Variants in MARCHF3 observed in about 807,000 individuals in gnomAD.
MARCHF3 encodes membrane associated ring-CH-type finger 3.
MARCHF3 carries 13 observed loss-of-function variants against 24.2 expected under a neutral mutation model. The ratio of observed to expected loss-of-function variants is 0.54; its 90% CI spans 0.35 to 0.85. MARCHF3 has a LOEUF of 0.85. MARCHF3 is among the 40% of genes least tolerant of loss of function. The pLI is 0.01. For missense variants in MARCHF3, 276 were observed against 325.0 expected (o/e 0.85, Z 1.16); for synonymous variants, 144 against 137.3 (o/e 1.05, Z -0.34).
chr5:126,929,781 T>G (rs1041170052), intron 1 of MARCHF3, among the ~76,000 whole-genome samples: 1 of 152,182 alleles, frequency 6.6e-6, no homozygotes, highest in Admixed American at 6.5e-5. Flanking sequence ...AGGGACCTGG[T>G]GGGAGATAAT....
chr5:126,918,185 A>T lies in MARCHF3; in HGVS notation c.-14T>A, dbSNP rs1389429078. ...GCTGGTTGTCATGGTAACAGACAGC[A>T]ATTACTCTGCTAATGGCTTCCACAT... On this transcript the variant is annotated 5_prime_UTR_variant, in exon 2 of 5. Transcript: ENST00000308660. The T allele has an allele frequency of 1.2e-6, 2 of 1,609,218 alleles. No homozygotes were observed. The highest frequency in any genetic ancestry group is 1.3e-5 in the African/African-American group (1 of 74,968).
chr5:126,915,116 C>T lies in MARCHF3; in HGVS notation c.207G>A (p.Pro69=), dbSNP rs139927140. ...LATQSPFNDR[P]MCRICHEGSS... ...TGCCCTCGTGGCAGATCCTGCACATCGGCCGGTCATTGAAGGGGCTGCAAG... is the reference window on the plus strand; with the variant it reads ...TGCCCTCGTGGCAGATCCTGCACATTGGCCGGTCATTGAAGGGGCTGCAAG... The change falls in exon 3 of 5, where the codon CCG becomes CCA. Residue 69 remains proline (P), a synonymous_variant. Transcript: ENST00000308660. The T allele has an allele frequency of 1.4e-5, 23 of 1,613,764 alleles. No individual in the cohort carries two copies. The highest frequency in any genetic ancestry group is 5.0e-5 in the Admixed American group (3 of 60,002).
chr5:126,978,324 C>G (rs898448050), intron 1 of MARCHF3, among the ~76,000 whole-genome samples: 1 of 152,000 alleles, frequency 6.6e-6, no homozygotes, highest in African/African-American at 2.4e-5. Context: ...GGTCACCAAC[C>G]GATAATTAGG....
At chr5:126,892,642 C>G (rs1753735974) in intron 3 of MARCHF3, among the ~76,000 whole-genome samples, 1 of 149,942 alleles carries the variant, frequency 6.7e-6, no homozygotes. Flanking sequence ...ATGAAGCCCA[C>G]TTGATCATGG....
chr5:126,885,990 G>GTATA (rs150937892), intron 3 of MARCHF3, among the ~76,000 whole-genome samples: 209 of 147,302 alleles, frequency 1.4e-3, no homozygotes, highest in African/African-American at 4.7e-3. Context: ...CAATTACTAT[G>GTATA]TATATATATA....
At chr5:126,922,495 T>C (rs751007990) in intron 1 of MARCHF3, among the ~76,000 whole-genome samples, 1 of 151,326 alleles carries the variant, frequency 6.6e-6, no homozygotes, top group Non-Finnish European at 1.5e-5. Flanking sequence ...TAGCCTGGGC[T>C]ACATCTCATT....
chr5:126,909,767 G>C (rs148585677), intron 3 of MARCHF3, among the ~76,000 whole-genome samples: 6 of 152,224 alleles, frequency 3.9e-5, no homozygotes, highest in African/African-American at 1.4e-4. Context: ...GAAATCACCC[G>C]TCTTCTGCGT....
chr5:126,940,649 G>C lies in MARCHF3; in HGVS notation c.-56-22422C>G, dbSNP rs752382472. 2.8e-4 allele frequency among the ~76,000 whole-genome samples: 43 copies of C among 151,944 alleles called. 1 individual carries two copies. The highest frequency in any genetic ancestry group is 7.4e-5 in the Non-Finnish European group (5 of 67,974). On this transcript the variant is annotated intron_variant, in intron 1 of 4. Transcript: ENST00000308660. ...TTTAGTAGAGATGGGGTTTCTCCAT[G>C]TTGGCCAGGTTGGTCTTAAACTCCT...
intron 1 of MARCHF3, among the ~76,000 whole-genome samples, chr5:126,987,634 G>C (rs1172616702): frequency 1.3e-5 from 2 of 152,180 alleles, no homozygotes; most frequent in East Asian, 1.9e-4. Flanking sequence ...AAGCAAGAAT[G>C]AAAGAGTCTA....
At chr5:126,984,633 T>G (rs535346130) in intron 1 of MARCHF3, among the ~76,000 whole-genome samples, 1 of 152,024 alleles carries the variant, frequency 6.6e-6, no homozygotes, top group East Asian at 1.9e-4. Context: ...AACTATAGAG[T>G]CACCCCGCCA....
chr5:126,960,857 T>C (rs1356638258), intron 1 of MARCHF3, among the ~76,000 whole-genome samples: 1 of 152,148 alleles, frequency 6.6e-6, no homozygotes, highest in African/African-American at 2.4e-5. Context: ...CCTGACTCCT[T>C]AACCCTTATG....
intron 1 of MARCHF3, among the ~76,000 whole-genome samples, chr5:126,947,383 G>C (rs776285954): frequency 6.6e-6 from 1 of 152,208 alleles, no homozygotes; most frequent in Non-Finnish European, 1.5e-5. Context: ...GAAGGTGCAA[G>C]AGCAAAAGAA....
intron 1 of MARCHF3, among the ~76,000 whole-genome samples, chr5:127,022,691 T>C (rs1752848057): frequency 6.6e-6 from 1 of 152,198 alleles, no homozygotes; most frequent in African/African-American, 2.4e-5. Context: ...CCCCAGGATA[T>C]GCAGAAACAG....
At chr5:126,885,427 C>A (rs563491236) in intron 3 of MARCHF3, among the ~76,000 whole-genome samples, 1 of 151,836 alleles carries the variant, frequency 6.6e-6, no homozygotes, top group African/African-American at 2.4e-5. Flanking sequence ...ATGATCCAGG[C>A]GTGGTGGTGC....
intron 1 of MARCHF3, among the ~76,000 whole-genome samples, chr5:126,971,175 C>T (rs924057116): frequency 3.9e-5 from 6 of 152,114 alleles, no homozygotes; most frequent in East Asian, 1.9e-4. Flanking sequence ...CAGGCTAGGG[C>T]GCGGTGGCAC....
At chr5:126,885,002 C>T (rs1753460550) in intron 3 of MARCHF3, among the ~76,000 whole-genome samples, 1 of 152,228 alleles carries the variant, frequency 6.6e-6, no homozygotes, top group South Asian at 2.1e-4. Context: ...CCTCTCGCTT[C>T]ATTTTCAGCC....
chr5:126,990,503 T>C (rs989182727), intron 1 of MARCHF3, among the ~76,000 whole-genome samples: 12 of 152,128 alleles, frequency 7.9e-5, no homozygotes, highest in Non-Finnish European at 1.5e-4. Context: ...ACTTCATGAC[T>C]AAAACATCAA....
intron 1 of MARCHF3, among the ~76,000 whole-genome samples, chr5:126,976,312 C>T (rs1347212746): frequency 2.0e-5 from 3 of 152,210 alleles, no homozygotes; most frequent in Non-Finnish European, 1.5e-5. Flanking sequence ...ATGACTCGAT[C>T]AATTTCACTT....
chr5:126,918,120 T>C lies in MARCHF3; in HGVS notation c.52A>G (p.Ser18Gly). 3 of 1,614,176 alleles carry C rather than the reference T, an allele frequency of 1.9e-6. No individual in the cohort carries two copies. The highest frequency in any genetic ancestry group is 2.5e-6 in the Non-Finnish European group (3 of 1,180,018). ...HLPEVLPDCT[S>G]SAAPVVKTVE... The stretch of plus-strand genomic sequence containing the variant: ...GTCTTCACCACGGGTGCAGCTGAGC[T>C]GGTGCAGTCTGGCAGGACTTCGGGC... Residue 18 changes from serine to glycine, a missense_variant, in exon 2 of 5, where the codon AGC (serine) becomes GGC (glycine). Physicochemically the swap from Ser to Gly is moderately conservative, Grantham distance 56. Coordinates refer to ENST00000308660, the MANE Select transcript of MARCHF3 (RefSeq NM_178450.5).
Sources: gnomAD v4.1 joint callset for allele counts (sites outside exome capture counted in the v4.1 genomes callset) on GRCh38, gnomAD v4.1.1 for gene constraint, MANE v1.5 for transcripts, NCBI Gene and HGNC (gene_info 2026-07-23, HGNC 2026-07-21) for gene names.